Variants in ZNF395 observed in about 807,000 individuals in gnomAD.
ZNF395 encodes the protein HD gene regulatory region-binding protein 2.
Under a neutral mutation model 57.7 loss-of-function variants are expected in ZNF395, and 20 were observed. That is an observed-to-expected ratio of 0.35 (90% CI 0.24 to 0.50). ZNF395 has a LOEUF of 0.50. Ranked by LOEUF, ZNF395 falls within the 20% of genes least tolerant of loss-of-function variation. ZNF395 has a pLI of 0.97. For synonymous variants in ZNF395, 295 were observed against 275.9 expected (o/e 1.07, Z -0.69); for missense variants, 606 against 671.2 (o/e 0.90, Z 1.07).
chr8:28,358,498 C>T (rs1396438581), intron 3 of ZNF395, among the ~76,000 whole-genome samples: 1 of 152,024 alleles, frequency 6.6e-6, no homozygotes, highest in Non-Finnish European at 1.5e-5. Flanking sequence ...TGCAGTGGTG[C>T]CATCATTGCT....
chr8:28,376,266 T>C (rs1184888260), intron 1 of ZNF395, among the ~76,000 whole-genome samples: 1 of 152,112 alleles, frequency 6.6e-6, no homozygotes, highest in East Asian at 1.9e-4. Flanking sequence ...AGTCTCAAAG[T>C]GCTTGGATTA....
intron 1 of ZNF395, among the ~76,000 whole-genome samples, chr8:28,369,064 G>A (rs190377083): frequency 2.7e-4 from 41 of 152,054 alleles, no homozygotes; most frequent in Non-Finnish European, 3.7e-4. Context: ...TCGAACTCCT[G>A]GCTTCAAGTG....
intron 3 of ZNF395, among the ~76,000 whole-genome samples, chr8:28,358,913 T>C (rs1801814403): frequency 6.6e-6 from 1 of 152,222 alleles, no homozygotes; most frequent in Non-Finnish European, 1.5e-5. Context: ...AGAGACTGTG[T>C]AGTCCATCAA....
At chr8:28,349,741 C>T (rs961967094) in intron 8 of ZNF395, among the ~76,000 whole-genome samples, 2 of 152,240 alleles carry the variant, frequency 1.3e-5, no homozygotes, top group African/African-American at 4.8e-5. Flanking sequence ...GCATTAAAAT[C>T]CTAAAAACAC....
At chr8:28,364,598 G>A (rs970077647) in intron 1 of ZNF395, among the ~76,000 whole-genome samples, 3 of 149,806 alleles carry the variant, frequency 2.0e-5, no homozygotes, top group African/African-American at 7.4e-5. Flanking sequence ...AGGTTGCAGT[G>A]AGCTGAGATC....
At position 28,348,815 on chromosome 8, in the gene ZNF395, C is replaced by T; in HGVS notation, c.1446G>A (p.Glu482=). The T allele has an allele frequency of 6.2e-7, 1 of 1,614,086 alleles. No homozygotes were observed. The highest frequency in any genetic ancestry group is 8.5e-7 in the Non-Finnish European group (1 of 1,180,026). Residue 482 remains glutamate (E), a synonymous_variant, in exon 10 of 10, where the codon GAG becomes GAA. Coordinates refer to ENST00000344423, the MANE Select transcript of ZNF395 (RefSeq NM_018660.3). The part of the protein sequence containing the change: ...AQSGARKARG[E]AKKCRKVYGI... ...CATACACCTTGCGGCACTTCTTAGC[C>T]TCCCCTCGGGCTTTCCTGCAGAAAG...
rs1437912937 is a variant in ZNF395, at chr8:28,346,043, C to T, written c.*2676G>A. ...ACCTGAGACCTCGCTTGGCCACAGACGTCATTCGCTGGACTCCCTGGGCAC... is the reference window on the plus strand; with the variant it reads ...ACCTGAGACCTCGCTTGGCCACAGATGTCATTCGCTGGACTCCCTGGGCAC... On this transcript the variant is annotated 3_prime_UTR_variant, in exon 10 of 10. Coordinates refer to ENST00000344423, the MANE Select transcript of ZNF395 (RefSeq NM_018660.3). The T allele has an allele frequency of 3.9e-5, 6 of 152,184 alleles. No individual in the cohort carries two copies. Among genetic ancestry groups the T allele is most frequent in the Admixed American group, 6.5e-5 (1 of 15,282 alleles). The allele number at this position is 152,184 out of a possible 1,614,324, so 9.4% of individuals were successfully genotyped here.
At position 28,353,177 on chromosome 8, in the gene ZNF395, C is replaced by A; in HGVS notation, c.815G>T (p.Arg272Ile). 1 of 1,613,652 alleles carries A rather than the reference C, an allele frequency of 6.2e-7. No homozygotes were observed. The highest frequency in any genetic ancestry group is 8.5e-7 in the Non-Finnish European group (1 of 1,179,982). The change falls in exon 5 of 10, where the codon AGA (arginine) becomes ATA (isoleucine). Residue 272 changes from arginine (R) to isoleucine (I), a missense_variant. By Grantham distance (97) the Arg-to-Ile change is moderately conservative. Coordinates refer to ENST00000344423, the MANE Select transcript of ZNF395 (RefSeq NM_018660.3). Reference protein sequence around the residue: ...FLLDEPAPRKRKNSVKVMYKC... With the variant: ...FLLDEPAPRKIKNSVKVMYKC... The stretch of plus-strand genomic sequence containing the variant: ...ACTCACACCACAATCACGTACCTTT[C>A]TTTTTCGTGGAGCTGGTTCGTCCAG...
At chr8:28,354,719 A>G (rs1299540643) in intron 4 of ZNF395, among the ~76,000 whole-genome samples, 1 of 152,182 alleles carries the variant, frequency 6.6e-6, no homozygotes, top group Non-Finnish European at 1.5e-5. Context: ...AGATTACTAC[A>G]TGTACATGTG....
At chr8:28,374,169 G>C (rs1272087584) in intron 1 of ZNF395, among the ~76,000 whole-genome samples, 1 of 152,246 alleles carries the variant, frequency 6.6e-6, no homozygotes, top group Non-Finnish European at 1.5e-5. Flanking sequence ...GGAGACCTTT[G>C]CATAGGAGCC....
chr8:28,351,422 G>A lies in ZNF395; in HGVS notation c.1233+73C>T, dbSNP rs58204499. ...GGCTCAGCCTTCCATCAGGGTGGTC[G>A]GTAGCCTGTAATCAAGCTGGCCCGT... is the stretch of plus-strand genomic sequence containing the variant. On this transcript the variant is annotated intron_variant, in intron 7 of 9. Transcript: ENST00000344423. The A allele has an allele frequency of 2.8e-4, 417 of 1,482,140 alleles. 1 individual carries two copies. In the African/African-American group the frequency reaches 5.0e-3, roughly 18 times the overall value. The allele number at this position is 1,482,140 out of a possible 1,614,324, so 91.8% of individuals were successfully genotyped here.
chr8:28,369,201 C>T (rs540765935), intron 1 of ZNF395, among the ~76,000 whole-genome samples: 1 of 148,786 alleles, frequency 6.7e-6, no homozygotes, highest in African/African-American at 2.5e-5. Context: ...ACTCAAAAGT[C>T]ATTTGAATGG....
intron 4 of ZNF395, among the ~76,000 whole-genome samples, chr8:28,354,485 C>T (rs1421544657): frequency 1.3e-5 from 2 of 152,198 alleles, no homozygotes; most frequent in Admixed American, 1.3e-4. Flanking sequence ...TAAAATCCTG[C>T]TGCCTTTCTC....
At chr8:28,369,960 G>T (rs904140711) in intron 1 of ZNF395, among the ~76,000 whole-genome samples, 1 of 152,216 alleles carries the variant, frequency 6.6e-6, no homozygotes, top group Non-Finnish European at 1.5e-5. Flanking sequence ...GCCAGCACTT[G>T]TGTATAAAAG....
intron 1 of ZNF395, among the ~76,000 whole-genome samples, chr8:28,381,454 A>AT (rs1802109051): frequency 6.6e-6 from 1 of 152,164 alleles, no homozygotes; most frequent in South Asian, 2.1e-4. Flanking sequence ...AAGTGCTGGG[A>AT]TTACAGGTGT....
chr8:28,351,714 A>G lies in ZNF395; in HGVS notation c.1014T>C (p.Ala338=), dbSNP rs765300102. 6 of 1,604,598 alleles carry G rather than the reference A, an allele frequency of 3.7e-6. No individual in the cohort carries two copies. Among genetic ancestry groups the G allele is most frequent in the African/African-American group, 1.3e-5 (1 of 75,000 alleles). Residue 338 remains alanine (A), a synonymous_variant, in exon 7 of 10, where the codon GCT becomes GCC. Coordinates refer to ENST00000344423, the MANE Select transcript of ZNF395 (RefSeq NM_018660.3). ...CAGGGACTGGGGTGCCTGCGGCAGC[A>G]GCAGCAGCAGCAGCAGCAGATTCCT... is the stretch of plus-strand genomic sequence containing the variant. ...LKEESAAAAA[A]AAAGTPVPGT...
chr8:28,384,497 C>A (rs1202989862), intron 1 of ZNF395, among the ~76,000 whole-genome samples: 2 of 152,224 alleles, frequency 1.3e-5, no homozygotes, highest in Non-Finnish European at 2.9e-5. Flanking sequence ...CATTCCCTCT[C>A]TTGGCGTCTG....
chr8:28,354,295 G>A (rs567774216), intron 4 of ZNF395, among the ~76,000 whole-genome samples: 24 of 152,162 alleles, frequency 1.6e-4, no homozygotes, highest in African/African-American at 5.5e-4. Flanking sequence ...CTCACTCCTT[G>A]GCCAAAAATC....
intron 2 of ZNF395, 31 bp downstream of exon 2, chr8:28,360,854 G>T: frequency 6.2e-7 from 1 of 1,609,214 alleles, no homozygotes; most frequent in South Asian, 1.1e-5. Flanking sequence ...CTGGCAAGAC[G>T]GGACACCTGT....
Sources: gnomAD v4.1 joint callset for allele counts (sites outside exome capture counted in the v4.1 genomes callset) on GRCh38, gnomAD v4.1.1 for gene constraint, MANE v1.5 for transcripts, NCBI Gene and HGNC (gene_info 2026-07-23, HGNC 2026-07-21) for gene names.